Variants in CSMD1 observed in about 807,000 individuals in gnomAD.
CSMD1 encodes CUB and Sushi multiple domains 1, also known as CUB and sushi domain-containing protein 1.
A neutral mutation model predicts 417.5 loss-of-function variants in CSMD1; 213 were observed. The observed-to-expected ratio is 0.51, with a 90% CI of 0.46 to 0.57. The LOEUF (loss-of-function observed/expected upper bound fraction) is 0.57, where lower values mean the gene tolerates loss of function less well. Among genes scored for constraint, CSMD1 ranks in the 20% least tolerant of loss-of-function variants. The pLI, the probability that CSMD1 is intolerant of heterozygous loss-of-function variation, is 0.00. For synonymous variants in CSMD1, 2,862 were observed against 1,736.8 expected, an observed-to-expected ratio of 1.65 and a Z score of -16.11; for missense variants, 6,923 against 4,529.7, an observed-to-expected ratio of 1.53 and a Z score of -15.17.
chr8:4,646,207 A>G (rs1276696990), intron 1 of CSMD1, among the ~76,000 whole-genome samples: 1 of 152,188 alleles, frequency 6.6e-6, no homozygotes, highest in African/African-American at 2.4e-5. Context: ...TCCTCTATGC[A>G]TGGTAGAACT....
intron 7 of CSMD1, among the ~76,000 whole-genome samples, chr8:3,677,537 G>A (rs1339649249): frequency 2.6e-5 from 4 of 152,128 alleles, no homozygotes; most frequent in African/African-American, 9.7e-5. Flanking sequence ...GGGTGGCTGG[G>A]CTCAGCGAGA....
At chr8:3,413,019 G>C (rs1342539245) in intron 12 of CSMD1, among the ~76,000 whole-genome samples, 1 of 152,168 alleles carries the variant, frequency 6.6e-6, no homozygotes, top group Non-Finnish European at 1.5e-5. Flanking sequence ...CCCAGTGTTT[G>C]CTGGGCCACT....
intron 3 of CSMD1, among the ~76,000 whole-genome samples, chr8:4,152,448 G>C (rs1420765875): frequency 1.3e-5 from 2 of 151,902 alleles, no homozygotes; most frequent in South Asian, 4.1e-4. Flanking sequence ...GCCAAGGCAA[G>C]TGGCTTGCTT....
At chr8:3,693,068 G>A (rs1343982072) in intron 7 of CSMD1, among the ~76,000 whole-genome samples, 2 of 151,908 alleles carry the variant, frequency 1.3e-5, no homozygotes, top group African/African-American at 2.4e-5. Context: ...TAATAATCAG[G>A]AATACATTTA....
chr8:4,918,831 G>A (rs1806240132), intron 1 of CSMD1, among the ~76,000 whole-genome samples: 1 of 152,056 alleles, frequency 6.6e-6, no homozygotes, highest in African/African-American at 2.4e-5. Flanking sequence ...GTACATATAT[G>A]CAGATATATA....
intron 52 of CSMD1, among the ~76,000 whole-genome samples, chr8:3,001,434 A>G (rs532779895): frequency 5.8e-4 from 89 of 152,304 alleles, no homozygotes; most frequent in African/African-American, 2.1e-3. Flanking sequence ...TTAACAAAAT[A>G]TACAGGCTGA....
At chr8:3,386,017 C>A (rs1486835107) in intron 18 of CSMD1, among the ~76,000 whole-genome samples, 1 of 152,152 alleles carries the variant, frequency 6.6e-6, no homozygotes, top group Admixed American at 6.5e-5. Context: ...TACTGTCTTT[C>A]CTGCTGCAAT....
At chr8:4,033,555 T>C (rs573259499) in intron 3 of CSMD1, among the ~76,000 whole-genome samples, 27 of 152,294 alleles carry the variant, frequency 1.8e-4, no homozygotes, top group South Asian at 1.2e-3. Context: ...CTGAAGTGTA[T>C]TGATTGATGT....
chr8:3,766,129 G>A (rs369858130), intron 5 of CSMD1, among the ~76,000 whole-genome samples: 8 of 152,314 alleles, frequency 5.3e-5, no homozygotes, highest in Middle Eastern at 3.4e-3. Flanking sequence ...GAGAGACAGT[G>A]GCCCTGATGG....
chr8:3,229,183 T>C (rs772233734), intron 27 of CSMD1, among the ~76,000 whole-genome samples: 1 of 152,182 alleles, frequency 6.6e-6, no homozygotes, highest in Non-Finnish European at 1.5e-5. Flanking sequence ...GGTCATCCTA[T>C]GCAAAATGGC....
chr8:4,571,484 T>C (rs957407059), intron 2 of CSMD1, among the ~76,000 whole-genome samples: 10 of 152,240 alleles, frequency 6.6e-5, no homozygotes, highest in African/African-American at 2.2e-4. Context: ...AGTTCTAATT[T>C]GATTGCACTG....
intron 3 of CSMD1, among the ~76,000 whole-genome samples, chr8:4,289,422 T>C (rs1007784569): frequency 3.2e-5 from 3 of 93,280 alleles, no homozygotes; most frequent in Admixed American, 1.2e-4. Flanking sequence ...CCTGTGTTTC[T>C]CCTATTTTTT....
intron 3 of CSMD1, among the ~76,000 whole-genome samples, chr8:4,254,118 C>T (rs776296113): frequency 1.5e-4 from 23 of 151,934 alleles, no homozygotes; most frequent in Middle Eastern, 3.4e-3. Context: ...AGGGTTTCAC[C>T]GTGTTAGCCA....
At chr8:3,970,996 C>G (rs144856082) in intron 5 of CSMD1, among the ~76,000 whole-genome samples, 2,143 of 152,252 alleles carry the variant, frequency 0.014, 50 homozygotes, top group African/African-American at 0.05. Context: ...GGTGATCCCC[C>G]CGCCTCAGAC....
chr8:4,678,282 G>A (rs1327116610), intron 1 of CSMD1, among the ~76,000 whole-genome samples: 5 of 151,956 alleles, frequency 3.3e-5, no homozygotes, highest in East Asian at 1.9e-4. Context: ...GTGGTGGCAC[G>A]CACCTGTAGT....
intron 1 of CSMD1, among the ~76,000 whole-genome samples, chr8:4,940,392 T>G (rs539473478): frequency 6.6e-6 from 1 of 152,368 alleles, no homozygotes; most frequent in African/African-American, 2.4e-5. Flanking sequence ...TTATATTACA[T>G]GAGTTAAGAA....
chr8:4,696,414 T>G (rs1426466618), intron 1 of CSMD1, among the ~76,000 whole-genome samples: 1 of 152,204 alleles, frequency 6.6e-6, no homozygotes. Flanking sequence ...CACTGAAACA[T>G]CCTGCTTCTC....
At chr8:4,620,371 C>A (rs1211904313) in intron 2 of CSMD1, among the ~76,000 whole-genome samples, 2 of 151,364 alleles carry the variant, frequency 1.3e-5, no homozygotes, top group African/African-American at 4.8e-5. Flanking sequence ...TCAATATTTC[C>A]ATTTTAAATA....
chr8:4,308,211 T>C (rs17069855), intron 3 of CSMD1, among the ~76,000 whole-genome samples: 16,822 of 152,164 alleles, frequency 0.11, 2,798 homozygotes, highest in African/African-American at 0.36. Context: ...CTTGAGACTG[T>C]GTGGGATGTG....
Sources: gnomAD v4.1 joint callset for allele counts (sites outside exome capture counted in the v4.1 genomes callset) on GRCh38, gnomAD v4.1.1 for gene constraint, MANE v1.5 for transcripts, NCBI Gene and HGNC (gene_info 2026-07-23, HGNC 2026-07-21) for gene names.